Variants in TEKT5 observed in about 807,000 individuals in gnomAD.
The protein encoded by TEKT5 is tektin-5.
Under a neutral mutation model 48.7 loss-of-function variants are expected in TEKT5, and 52 were observed. The ratio of observed to expected loss-of-function variants is 1.07; its 90% CI spans 0.86 to 1.35. TEKT5 has a LOEUF of 1.35. Ranked by LOEUF, TEKT5 falls within the 40% of genes most tolerant of loss-of-function variation. The pLI is 0.00. For synonymous variants in TEKT5, 318 were observed against 267.6 expected, an observed-to-expected ratio of 1.19 and a Z score of -1.84; for missense variants, 831 against 641.6, an observed-to-expected ratio of 1.30 and a Z score of -3.19.
chr16:10,682,329 T>TC (rs1230103313), intron 3 of TEKT5, among the ~76,000 whole-genome samples, 193 bp from the exon 4 acceptor site: 2 of 143,082 alleles, frequency 1.4e-5, no homozygotes, highest in Admixed American at 1.4e-4. Flanking sequence ...TGTCCTTTAT[T>TC]CTTTTTTTTT....
chr16:10,650,539 G>C (rs1898138624), intron 5 of TEKT5, among the ~76,000 whole-genome samples: 1 of 152,042 alleles, frequency 6.6e-6, no homozygotes, highest in Admixed American at 6.6e-5. Flanking sequence ...TTAACATCTT[G>C]TCCAGACTCT....
At chr16:10,643,287 G>A (rs1269366959) in intron 5 of TEKT5, among the ~76,000 whole-genome samples, 3 of 152,002 alleles carry the variant, frequency 2.0e-5, no homozygotes, top group Admixed American at 2.0e-4. Context: ...GCTGAGGTGA[G>A]AGGATGGCTT....
In TEKT5 at chr16:10,638,931, C is replaced by A. The variant is rs531792831; in HGVS notation, c.1087-3013G>T. 7.2e-5 allele frequency among the ~76,000 whole-genome samples: 11 copies of A among 152,316 alleles called. No homozygotes were observed. In the South Asian group the frequency reaches 2.1e-3, roughly 29 times the overall value. On this transcript the variant is annotated intron_variant, in intron 5 of 6. Transcript: ENST00000283025. ...GGGGGTAATTAATTCAACATTTGTTCAATACCGTCTACCTTTTCCATTTTA... is the reference window on the plus strand; with the variant it reads ...GGGGGTAATTAATTCAACATTTGTTAAATACCGTCTACCTTTTCCATTTTA...
chr16:10,686,641 G>A (rs912795542), intron 3 of TEKT5, among the ~76,000 whole-genome samples: 29 of 152,204 alleles, frequency 1.9e-4, no homozygotes, highest in African/African-American at 5.8e-4. Flanking sequence ...CACAGCAAAC[G>A]AAACAAACAA....
chr16:10,694,386 A>C lies in TEKT5; in HGVS notation c.488T>G (p.Leu163Arg). The C allele has an allele frequency of 6.2e-7, 1 of 1,614,070 alleles. No homozygotes were observed. The highest frequency in any genetic ancestry group is 1.1e-5 in the South Asian group (1 of 91,072). ...SELSYELDRLLTENQNLETVK... is the reference protein window; with the variant it reads ...SELSYELDRLRTENQNLETVK... ...CGTCTCCAAGTTCTGGTTCTCAGTC[A>C]GAAGCCTGTCCAGCTCATAGCTCAG... is the stretch of plus-strand genomic sequence containing the variant. Residue 163 changes from leucine to arginine, a missense_variant, in exon 1 of 7, where the codon CTG (leucine) becomes CGG (arginine). Leu to Arg is a moderately radical substitution (Grantham distance 102, BLOSUM62 -2). Transcript: ENST00000283025.
intron 3 of TEKT5, 93 bp downstream of exon 3, chr16:10,689,160 G>C: frequency 1.0e-6 from 1 of 966,962 alleles, no homozygotes; most frequent in Non-Finnish European, 1.5e-6. Flanking sequence ...ACCACCCAGA[G>C]ACAAGTGGGC....
chr16:10,635,823 C>A lies in TEKT5; in HGVS notation c.1182G>T (p.Arg394Ser), dbSNP rs779950743. 23 of 1,614,198 alleles carry A rather than the reference C, an allele frequency of 1.4e-5. 1 individual carries two copies. The South Asian group carries it at 2.4e-4, about 17-fold the overall frequency. Reference sequence around the variant, plus strand: ...TGGGGCGCCGGGTCCGGCACTCCAGCCTTGTCTGGGCCACCTTCAGCGGGC... The same window carrying A: ...TGGGGCGCCGGGTCCGGCACTCCAGACTTGTCTGGGCCACCTTCAGCGGGC... The part of the protein sequence containing the change: ...KEGPLKVAQT[R>S]LECRTRRPNM... Residue 394 changes from arginine to serine, a missense_variant, in exon 6 of 7, where the codon AGG (arginine) becomes AGT (serine). Coordinates refer to ENST00000283025, the MANE Select transcript of TEKT5 (RefSeq NM_144674.2).
At chr16:10,645,179 C>T (rs1008829248) in intron 5 of TEKT5, among the ~76,000 whole-genome samples, 2 of 152,072 alleles carry the variant, frequency 1.3e-5, no homozygotes, top group African/African-American at 4.8e-5. Flanking sequence ...GGAGGCAAGC[C>T]CCCCCAGTTA....
At chr16:10,660,229 T>C (rs989391001) in intron 5 of TEKT5, among the ~76,000 whole-genome samples, 1 of 151,676 alleles carries the variant, frequency 6.6e-6, no homozygotes, top group African/African-American at 2.4e-5. Flanking sequence ...AAGACGGGGG[T>C]TGCCTGTGTA....
chr16:10,689,517 C>T (rs1289541965), intron 2 of TEKT5, among the ~76,000 whole-genome samples, 194 bp from the exon 3 acceptor site: 1 of 133,038 alleles, frequency 7.5e-6, no homozygotes, highest in Non-Finnish European at 1.6e-5. Context: ...TGTGGAGGCT[C>T]CACCTTTTTT....
chr16:10,651,762 C>T lies in TEKT5; in HGVS notation c.1087-15844G>A, dbSNP rs150463977. Among the ~76,000 whole-genome samples, 105 of 152,182 alleles carry T rather than the reference C, an allele frequency of 6.9e-4. 1 individual carries two copies. Among genetic ancestry groups the T allele is most frequent in the Middle Eastern group, 3.4e-3 (1 of 294 alleles). On this transcript the variant is annotated intron_variant, in intron 5 of 6. Coordinates refer to ENST00000283025, the MANE Select transcript of TEKT5 (RefSeq NM_144674.2). ...ATCACCTGAGATCAGGGGTTCGAGA[C>T]CAGCCTGACAAACATGGCGAAACCC... is the stretch of plus-strand genomic sequence containing the variant.
chr16:10,640,194 G>C (rs1406019648), intron 5 of TEKT5, among the ~76,000 whole-genome samples: 2 of 138,248 alleles, frequency 1.4e-5, no homozygotes, highest in Non-Finnish European at 3.0e-5. Flanking sequence ...TCAGATTGAA[G>C]AGCAGTGGCA....
chr16:10,631,280 G>C (rs769819048), intron 6 of TEKT5, among the ~76,000 whole-genome samples: 6 of 138,884 alleles, frequency 4.3e-5, no homozygotes, highest in Non-Finnish European at 9.2e-5. Flanking sequence ...AAAAGAGAGA[G>C]AGAGAGAGAG....
chr16:10,631,292 A>G (rs1164947470), intron 6 of TEKT5, among the ~76,000 whole-genome samples: 2 of 141,808 alleles, frequency 1.4e-5, no homozygotes, highest in Non-Finnish European at 3.0e-5. Context: ...GAGAGAGAGA[A>G]AAGCACATGC....
intron 5 of TEKT5, among the ~76,000 whole-genome samples, chr16:10,664,028 G>A (rs1053346563): frequency 6.6e-6 from 1 of 152,196 alleles, no homozygotes; most frequent in African/African-American, 2.4e-5. Context: ...TCTTGCCTGA[G>A]AGACCAATAT....
chr16:10,658,395 C>T (rs1437812102), intron 5 of TEKT5, among the ~76,000 whole-genome samples: 1 of 152,136 alleles, frequency 6.6e-6, no homozygotes, highest in Admixed American at 6.6e-5. Flanking sequence ...CACAATAGAC[C>T]ACTATCCAGC....
intron 5 of TEKT5, among the ~76,000 whole-genome samples, chr16:10,669,156 GA>G (rs1431694908): frequency 1.3e-5 from 2 of 152,094 alleles, no homozygotes; most frequent in Non-Finnish European, 2.9e-5. Flanking sequence ...CCCCAAACTG[GA>G]AACAACCGAA....
At chr16:10,643,777 C>T (rs1898029449) in intron 5 of TEKT5, among the ~76,000 whole-genome samples, 1 of 152,114 alleles carries the variant, frequency 6.6e-6, no homozygotes, top group Non-Finnish European at 1.5e-5. Flanking sequence ...GTGGCTCACG[C>T]CTGTTTTACC....
chr16:10,694,843 T>C lies in TEKT5; in HGVS notation c.31A>G (p.Ser11Gly), dbSNP rs117824981. 3.8e-3 allele frequency: 6,102 copies of C among 1,591,064 alleles called. 18 individuals carry two copies. Among genetic ancestry groups the C allele is most frequent in the Middle Eastern group, 8.4e-3 (50 of 5,928 alleles). MEFLGTTQTA[S>G]YCGPKKCCGL... ...CAGCATTTCTTGGGACCACAGTAAC[T>C]GGCGGTCTGAGTAGTCCCAAGAAAC... Residue 11 changes from serine to glycine, a missense_variant, in exon 1 of 7, where the codon AGT becomes GGT. Ser to Gly is a moderately conservative substitution (Grantham distance 56). Coordinates refer to ENST00000283025, the MANE Select transcript of TEKT5 (RefSeq NM_144674.2).
Sources: allele counts gnomAD v4.1 joint callset (sites outside exome capture counted in the v4.1 genomes callset), GRCh38; gene constraint gnomAD v4.1.1; transcripts MANE v1.5; gene names NCBI Gene and HGNC (gene_info 2026-07-23, HGNC 2026-07-21).